CABLES1: variants seen among roughly 807,000 people sequenced by gnomAD.
CABLES1 encodes CDK5 and ABL1 enzyme substrate 1.
A neutral mutation model predicts 57.8 loss-of-function variants in CABLES1; 36 were observed. That is an observed-to-expected ratio of 0.62 (90% CI 0.48 to 0.82). CABLES1 has a LOEUF of 0.82. CABLES1 is among the 40% of genes least tolerant of loss of function. The pLI is 0.00. For missense variants in CABLES1, 767 were observed against 836.6 expected, an observed-to-expected ratio of 0.92 and a Z score of 1.03; for synonymous variants, 374 against 363.0, an observed-to-expected ratio of 1.03 and a Z score of -0.35.
At chr18:23,223,297 T>G (rs1462329678) in intron 4 of CABLES1, among the ~76,000 whole-genome samples, 1 of 151,944 alleles carries the variant, frequency 6.6e-6, no homozygotes, top group Non-Finnish European at 1.5e-5. Flanking sequence ...AGGGCATTTT[T>G]GGTTGGGTGC....
intron 1 of CABLES1, among the ~76,000 whole-genome samples, chr18:23,164,810 C>G (rs2047030274): frequency 6.6e-6 from 1 of 152,094 alleles, no homozygotes; most frequent in Non-Finnish European, 1.5e-5. Flanking sequence ...CTCGCTTTGT[C>G]TCCCAGGCTG....
chr18:23,186,889 C>G (rs1170337299), intron 1 of CABLES1, among the ~76,000 whole-genome samples: 6 of 152,218 alleles, frequency 3.9e-5, no homozygotes, highest in African/African-American at 7.2e-5. Flanking sequence ...GAGTCTCCCC[C>G]AGTCCAGCCT....
At chr18:23,237,080 T>G (rs1052457749) in intron 6 of CABLES1, 62 bp from the exon 7 acceptor site, 7 of 972,940 alleles carry the variant, frequency 7.2e-6, no homozygotes, top group Admixed American at 3.4e-5. Flanking sequence ...CTCCTGGCTG[T>G]CTCTGCTGGG....
intron 1 of CABLES1, among the ~76,000 whole-genome samples, chr18:23,183,599 G>T (rs2047182404): frequency 6.6e-6 from 1 of 152,172 alleles, no homozygotes; most frequent in Admixed American, 6.5e-5. Context: ...AGACAAGTCT[G>T]GGAGCCCTGA....
At chr18:23,181,009 CTT>C (rs1254528187) in intron 1 of CABLES1, among the ~76,000 whole-genome samples, 2 of 152,126 alleles carry the variant, frequency 1.3e-5, no homozygotes, top group Non-Finnish European at 2.9e-5. Flanking sequence ...CTCCTTGAGG[CTT>C]GGTGACTAAG....
At chr18:23,203,086 T>C (rs2047337676) in intron 3 of CABLES1, among the ~76,000 whole-genome samples, 1 of 152,038 alleles carries the variant, frequency 6.6e-6, no homozygotes, top group South Asian at 2.1e-4. Flanking sequence ...GTCTTGGTGC[T>C]CCCAGTTCTT....
chr18:23,207,486 C>T (rs942931635), intron 3 of CABLES1, among the ~76,000 whole-genome samples: 4 of 152,190 alleles, frequency 2.6e-5, no homozygotes, highest in African/African-American at 9.7e-5. Context: ...GGAAGCCCAC[C>T]TTGCCTCCTT....
intron 3 of CABLES1, among the ~76,000 whole-genome samples, chr18:23,210,008 A>G (rs1157724493): frequency 6.6e-6 from 1 of 152,236 alleles, no homozygotes; most frequent in African/African-American, 2.4e-5. Flanking sequence ...TCCTAAGAGC[A>G]TGACAATGAG....
intron 1 of CABLES1, among the ~76,000 whole-genome samples, chr18:23,173,689 G>A (rs923203093): frequency 6.6e-6 from 1 of 152,168 alleles, no homozygotes; most frequent in African/African-American, 2.4e-5. Context: ...TTGGCTGGGC[G>A]CAGTGGCTCA....
At chr18:23,198,526 G>A (rs1407252446) in intron 3 of CABLES1, among the ~76,000 whole-genome samples, 1 of 152,154 alleles carries the variant, frequency 6.6e-6, no homozygotes, top group African/African-American at 2.4e-5. Context: ...ACATGGCAAA[G>A]GGGAACTGAG....
At chr18:23,223,899 G>A (rs1444267799) in intron 4 of CABLES1, among the ~76,000 whole-genome samples, 1 of 151,998 alleles carries the variant, frequency 6.6e-6, no homozygotes, top group Non-Finnish European at 1.5e-5. Context: ...CACAGCTGTT[G>A]ATCCCAGAGT....
rs200638984 is a variant in CABLES1 at position 23,209,878 on chromosome 18, C to CG, written c.1011-4092dup. 8.6e-3 allele frequency among the ~76,000 whole-genome samples: 1,301 copies of CG among 151,996 alleles called. 12 individuals carry two copies. The highest frequency in any genetic ancestry group is 0.022 in the African/African-American group (930 of 41,444). On this transcript the variant is annotated intron_variant, in intron 3 of 9. Coordinates refer to ENST00000256925, the MANE Select transcript of CABLES1 (RefSeq NM_001100619.3). ...TGGCCCGTGGTGCTCTGTCACCTTGCGGGGGGGCGGTCCTTGTGCATCTCC... is the reference window on the plus strand; with the variant it reads ...TGGCCCGTGGTGCTCTGTCACCTTGCGGGGGGGGCGGTCCTTGTGCATCTCC...
Position 23,254,074 on chromosome 18 carries a change from T to C in CABLES1, c.1761+138T>C, listed in dbSNP as rs2048105756. The C allele has an allele frequency of 4.0e-5, 28 of 694,124 alleles. 1 individual carries two copies. In the South Asian group the frequency reaches 4.9e-4, roughly 12 times the overall value. 43.0% of individuals were successfully genotyped at this position (694,124 alleles called of 1,614,324 possible). On this transcript the variant is annotated intron_variant, in intron 9 of 9. Coordinates refer to ENST00000256925, the MANE Select transcript of CABLES1 (RefSeq NM_001100619.3). The stretch of plus-strand genomic sequence containing the variant: ...CAATTGAGGTGAAGGCTATGAAGTC[T>C]TTCCCATAGTGGGAATAGTCAGGCT...
At chr18:23,238,304 C>G (rs2047655458) in intron 7 of CABLES1, among the ~76,000 whole-genome samples, 1 of 152,276 alleles carries the variant, frequency 6.6e-6, no homozygotes, top group Non-Finnish European at 1.5e-5. Flanking sequence ...CCAGGCAGAA[C>G]TTGGGGCCTT....
rs76285062 is a variant in CABLES1 at position 23,144,372 on chromosome 18, T to C, written c.845+7765T>C. On this transcript the variant is annotated intron_variant, in intron 1 of 9. Transcript: ENST00000256925. ...TTCCCCCACCCCACAACGTTCTAGG[T>C]CTTTGTTTTCATCCAGCAGTTGCTC... 7.5e-3 allele frequency among the ~76,000 whole-genome samples: 1,149 copies of C among 152,326 alleles called. 11 individuals are homozygous for C. Among genetic ancestry groups the C allele is most frequent in the African/African-American group, 0.027 (1,106 of 41,578 alleles).
Position 23,226,696 on chromosome 18 carries a change from T to C in CABLES1, c.1089-7912T>C, listed in dbSNP as rs999815638. 4.9e-4 allele frequency among the ~76,000 whole-genome samples: 75 copies of C among 152,170 alleles called. 1 individual carries two copies. The highest frequency in any genetic ancestry group is 1.8e-3 in the African/African-American group (75 of 41,438). ...TGAGTGAGAGACTGCAGGTGTTGTA[T>C]GGAGAACTAGTCCTAGAATTGTCCC... is the stretch of plus-strand genomic sequence containing the variant. On this transcript the variant is annotated intron_variant, in intron 4 of 9. Transcript: ENST00000256925.
chr18:23,219,354 T>G (rs1196315820), intron 4 of CABLES1: 5 of 453,456 alleles, frequency 1.1e-5, no homozygotes, highest in East Asian at 1.4e-4. Context: ...GAGGAAGGAG[T>G]TGGGTGAATT....
chr18:23,246,752 C>T (rs1781947276), intron 7 of CABLES1, among the ~76,000 whole-genome samples: 1 of 151,868 alleles, frequency 6.6e-6, no homozygotes, highest in African/African-American at 2.4e-5. Context: ...AGAGCAGTGG[C>T]ACCATCTTGG....
chr18:23,252,165 G>T (rs755799856), intron 7 of CABLES1, among the ~76,000 whole-genome samples: 1 of 152,266 alleles, frequency 6.6e-6, no homozygotes, highest in East Asian at 1.9e-4. Context: ...CTTACATAAG[G>T]CAAATTTATA....
Sources: gnomAD v4.1 joint callset for allele counts (sites outside exome capture counted in the v4.1 genomes callset) on GRCh38, gnomAD v4.1.1 for gene constraint, MANE v1.5 for transcripts, NCBI Gene and HGNC (gene_info 2026-07-23, HGNC 2026-07-21) for gene names.